ERC2: variants seen among roughly 807,000 people sequenced by gnomAD.
ERC2 encodes the protein ELKS/RAB6-interacting/CAST family member 2.
ERC2 carries 42 observed loss-of-function variants against 114.8 expected under a neutral mutation model. That is an observed-to-expected ratio of 0.37 (90% CI 0.29 to 0.47). The LOEUF is 0.47. ERC2 is among the 20% of genes least tolerant of loss of function. The pLI is 0.99. For synonymous variants in ERC2, 454 were observed against 425.5 expected, an observed-to-expected ratio of 1.07 and a Z score of -0.82; for missense variants, 939 against 1,150.7, an observed-to-expected ratio of 0.82 and a Z score of 2.66.
chr3:55,701,128 A>G (rs1174030007), intron 15 of ERC2, among the ~76,000 whole-genome samples: 2 of 152,218 alleles, frequency 1.3e-5, no homozygotes, highest in African/African-American at 2.4e-5. Flanking sequence ...TGTAATATAA[A>G]TAATACACTG....
intron 14 of ERC2, among the ~76,000 whole-genome samples, chr3:55,758,805 G>T (rs1356937296): frequency 3.3e-5 from 5 of 152,166 alleles, no homozygotes. Flanking sequence ...GAAGGTTATG[G>T]TGGGTTTATG....
chr3:55,882,915 T>TC, intron 14 of ERC2, among the ~76,000 whole-genome samples: 1 of 152,268 alleles, frequency 6.6e-6, no homozygotes. Flanking sequence ...AACAAGAGGG[T>TC]CCTTACCTTT....
At chr3:56,405,808 T>C (rs2060697221) in intron 2 of ERC2, among the ~76,000 whole-genome samples, 1 of 152,044 alleles carries the variant, frequency 6.6e-6, no homozygotes, top group Non-Finnish European at 1.5e-5. Flanking sequence ...CATAGAACAA[T>C]TGTGATGAAC....
chr3:55,657,191 C>A (rs1033523399), intron 17 of ERC2: 18 of 151,916 alleles, frequency 1.2e-4, no homozygotes, highest in African/African-American at 4.4e-4. Flanking sequence ...TCCTGACATA[C>A]CCTTTTTCAT....
intron 17 of ERC2, among the ~76,000 whole-genome samples, chr3:55,541,140 T>C (rs2054368669): frequency 2.0e-5 from 3 of 152,188 alleles, no homozygotes; most frequent in Non-Finnish European, 4.4e-5. Flanking sequence ...GAAAAAACAA[T>C]TTCATTCAGG....
chr3:55,636,730 T>A (rs1018222237), intron 17 of ERC2, among the ~76,000 whole-genome samples: 3 of 152,120 alleles, frequency 2.0e-5, no homozygotes, highest in African/African-American at 7.2e-5. Context: ...AACGAAGAGG[T>A]GTGGCTGTGC....
chr3:56,299,119 G>GTTTTTTTTTTTTTTT (rs1162614631), intron 2 of ERC2, among the ~76,000 whole-genome samples: 3 of 108,142 alleles, frequency 2.8e-5, no homozygotes, highest in African/African-American at 1.2e-4. Flanking sequence ...TTTTTTTTTT[G>GTTTTTTTTTTTTTTT]TTTTTTTTTT....
At chr3:56,412,451 G>A (rs1052782030) in intron 2 of ERC2, among the ~76,000 whole-genome samples, 5 of 152,222 alleles carry the variant, frequency 3.3e-5, no homozygotes, top group Non-Finnish European at 7.3e-5. Flanking sequence ...TACAGATCAG[G>A]AAACTGAGGC....
chr3:56,433,804 A>G (rs2107359574), intron 2 of ERC2: 1 of 156,364 alleles, frequency 6.4e-6, no homozygotes, highest in South Asian at 1.9e-4. Context: ...TTAAAAATTT[A>G]TTGTGTATCT....
At chr3:56,029,446 C>T (rs1274132839) in intron 7 of ERC2, among the ~76,000 whole-genome samples, 1 of 151,984 alleles carries the variant, frequency 6.6e-6, no homozygotes, top group African/African-American at 2.4e-5. Flanking sequence ...TCCAGTGAAG[C>T]CATCAGGGCT....
intron 2 of ERC2, among the ~76,000 whole-genome samples, chr3:56,310,502 T>C (rs547373153): frequency 1.3e-5 from 2 of 152,348 alleles, no homozygotes; most frequent in South Asian, 4.1e-4. Context: ...TAAGATGTCT[T>C]ACCTAAATTA....
At chr3:56,016,089 G>T (rs1450614414) in intron 8 of ERC2, among the ~76,000 whole-genome samples, 1 of 152,094 alleles carries the variant, frequency 6.6e-6, no homozygotes, top group East Asian at 1.9e-4. Flanking sequence ...TAAGTTCCTT[G>T]CATATTCTGG....
chr3:55,825,889 G>A (rs575291394), intron 14 of ERC2, among the ~76,000 whole-genome samples: 1 of 151,768 alleles, frequency 6.6e-6, no homozygotes, highest in South Asian at 2.1e-4. Flanking sequence ...TCTTTTACAT[G>A]TTGGATTCTG....
chr3:56,191,674 C>T (rs1348328993), intron 3 of ERC2, among the ~76,000 whole-genome samples: 1 of 152,086 alleles, frequency 6.6e-6, no homozygotes, highest in African/African-American at 2.4e-5. Flanking sequence ...AAAGATGTTG[C>T]ACATCACCCT....
chr3:55,796,487 G>A (rs2070503476), intron 14 of ERC2, among the ~76,000 whole-genome samples: 1 of 152,276 alleles, frequency 6.6e-6, no homozygotes, highest in African/African-American at 2.4e-5. Context: ...GTGCAGCAGT[G>A]TGATCTTGGC....
At chr3:55,720,526 C>A (rs571703050) in intron 15 of ERC2, among the ~76,000 whole-genome samples, 40 of 151,996 alleles carry the variant, frequency 2.6e-4, no homozygotes, top group African/African-American at 9.4e-4. Flanking sequence ...CTCAAGCAAT[C>A]TTTCCGCCTT....
chr3:55,746,904 TGATGGCTTTTAAGGCATCCTCAAA>T (rs2066344047), intron 14 of ERC2, among the ~76,000 whole-genome samples: 1 of 152,218 alleles, frequency 6.6e-6, no homozygotes, highest in Non-Finnish European at 1.5e-5. Flanking sequence ...TGAAGGAAAC[TGATGGCTTTTAAGGCATCCTCAAA>T]GATGCTCAAA....
intron 15 of ERC2, among the ~76,000 whole-genome samples, chr3:55,704,413 G>A (rs1576221930): frequency 6.6e-6 from 1 of 152,132 alleles, no homozygotes; most frequent in Admixed American, 6.5e-5. Context: ...TGTTGCTATG[G>A]GATATGGAGA....
intron 14 of ERC2, among the ~76,000 whole-genome samples, chr3:55,870,586 G>GCTC: frequency 6.6e-6 from 1 of 152,264 alleles, no homozygotes; most frequent in Non-Finnish European, 1.5e-5. Context: ...CAGAGCAGGT[G>GCTC]TAGGGCCAAG....
Sources: allele counts gnomAD v4.1 joint callset (sites outside exome capture counted in the v4.1 genomes callset), GRCh38; gene constraint gnomAD v4.1.1; transcripts MANE v1.5; gene names NCBI Gene and HGNC (gene_info 2026-07-23, HGNC 2026-07-21).